RBFOX1: variants seen among roughly 807,000 people sequenced by gnomAD.
The protein encoded by RBFOX1 is RNA binding protein fox-1 homolog 1.
Under a neutral mutation model 57.7 loss-of-function variants are expected in RBFOX1, and 8 were observed. The observed-to-expected ratio is 0.14, with a 90% CI of 0.08 to 0.25. The LOEUF is 0.25. Among genes scored for constraint, RBFOX1 ranks in the 10% least tolerant of loss-of-function variants. RBFOX1 has a pLI of 1.00. For missense variants in RBFOX1, 611 were observed against 548.5 expected (o/e 1.11, Z -1.14); for synonymous variants, 326 against 222.4 (o/e 1.47, Z -4.15).
At chr16:6,529,443 C>T (rs907253310) in intron 2 of RBFOX1, among the ~76,000 whole-genome samples, 7 of 151,910 alleles carry the variant, frequency 4.6e-5, no homozygotes, top group East Asian at 3.9e-4. Flanking sequence ...CCTGTAATCC[C>T]GGCTACTTGG....
intron 3 of RBFOX1, among the ~76,000 whole-genome samples, chr16:6,715,086 C>T (rs763850580): frequency 4.6e-4 from 70 of 152,136 alleles, no homozygotes; most frequent in Non-Finnish European, 9.1e-4. Flanking sequence ...AGTCTGTGTG[C>T]GGCAGCAGGG....
chr16:7,307,023 T>G (rs942918827), intron 4 of RBFOX1, among the ~76,000 whole-genome samples: 1 of 152,248 alleles, frequency 6.6e-6, no homozygotes, highest in South Asian at 2.1e-4. Flanking sequence ...AGGCAACATT[T>G]ATGATAAGTA....
chr16:6,160,855 C>T lies in RBFOX1; in HGVS notation c.-127+140863C>T, dbSNP rs958082974. ...TGTTGTCCCATGAATGCCTTAATCT[C>T]GAGTGTCCTTTCCTCAGACAGCCTT... On this transcript the variant is annotated intron_variant, in intron 1 of 15. Transcript: ENST00000550418. Among the ~76,000 whole-genome samples, 7 of 152,296 alleles carry T rather than the reference C, an allele frequency of 4.6e-5. No homozygotes were observed. The South Asian group carries it at 8.3e-4, about 18-fold the overall frequency.
In RBFOX1 at chr16:6,236,201, T is replaced by C. The variant is rs1233079737; in HGVS notation, c.-126-80794T>C. 3.3e-5 allele frequency among the ~76,000 whole-genome samples: 5 copies of C among 152,154 alleles called. No individual in the cohort carries two copies. In the East Asian group the frequency reaches 7.7e-4, roughly 23 times the overall value. On this transcript the variant is annotated intron_variant, in intron 1 of 15. Coordinates refer to ENST00000550418, the MANE Select transcript of RBFOX1 (RefSeq NM_018723.4). ...TTTTACTGAGCTCAGTATGCCTTTGTTGTTGAAAGAGCAAGCTCTGGAGTC... is the reference window on the plus strand; with the variant it reads ...TTTTACTGAGCTCAGTATGCCTTTGCTGTTGAAAGAGCAAGCTCTGGAGTC...
At chr16:6,564,581 T>C (rs2097231397) in intron 2 of RBFOX1, among the ~76,000 whole-genome samples, 2 of 152,032 alleles carry the variant, frequency 1.3e-5, no homozygotes, top group South Asian at 4.1e-4. Context: ...CACTGATATA[T>C]GGAATCTAAA....
intron 3 of RBFOX1, among the ~76,000 whole-genome samples, chr16:6,707,860 C>A (rs1463192661): frequency 1.3e-5 from 2 of 152,158 alleles, no homozygotes; most frequent in Non-Finnish European, 2.9e-5. Flanking sequence ...ACAAAGAAAA[C>A]ATTAAGCTTG....
intron 4 of RBFOX1, among the ~76,000 whole-genome samples, chr16:5,933,211 C>T (rs1385873406): frequency 6.6e-6 from 1 of 152,202 alleles, no homozygotes; most frequent in Non-Finnish European, 1.5e-5. Context: ...CTCCGCATGG[C>T]GCCAGGAGCT....
At chr16:7,288,238 C>T (rs944300212) in intron 4 of RBFOX1, among the ~76,000 whole-genome samples, 3 of 152,120 alleles carry the variant, frequency 2.0e-5, no homozygotes, top group Non-Finnish European at 4.4e-5. Flanking sequence ...AGAAAGAATC[C>T]ACTCTCAGAG....
intron 4 of RBFOX1, among the ~76,000 whole-genome samples, chr16:7,459,567 T>C (rs2059166932): frequency 6.6e-6 from 1 of 152,192 alleles, no homozygotes; most frequent in African/African-American, 2.4e-5. Flanking sequence ...ATCTGTTAAT[T>C]GGAAAAGTTA....
At chr16:6,411,835 A>G (rs989410002) in intron 2 of RBFOX1, among the ~76,000 whole-genome samples, 3 of 152,182 alleles carry the variant, frequency 2.0e-5, no homozygotes, top group African/African-American at 7.2e-5. Flanking sequence ...CAATAAAACA[A>G]TCAAAACATG....
chr16:6,907,312 C>T (rs1202134949), intron 3 of RBFOX1, among the ~76,000 whole-genome samples: 1 of 152,114 alleles, frequency 6.6e-6, no homozygotes, highest in African/African-American at 2.4e-5. Flanking sequence ...CTTCAGTATT[C>T]CCAGTGCCCA....
chr16:6,391,171 A>T (rs2092582368), intron 2 of RBFOX1, among the ~76,000 whole-genome samples: 1 of 152,156 alleles, frequency 6.6e-6, no homozygotes, highest in Non-Finnish European at 1.5e-5. Flanking sequence ...GTTTGAGTTT[A>T]TTCTAGGATC....
chr16:5,505,866 CCCTG>C (rs1053961538), intron 2 of RBFOX1, among the ~76,000 whole-genome samples: 1 of 152,156 alleles, frequency 6.6e-6, no homozygotes, highest in African/African-American at 2.4e-5. Context: ...TGAAGCCTCA[CCCTG>C]CCATGACATT....
rs188189058 is a variant in RBFOX1 at position 6,914,374 on chromosome 16, A to G, written c.-15-137683A>G. On this transcript the variant is annotated intron_variant, in intron 3 of 15. Transcript: ENST00000550418. ...TACAGGGTCGGCTGATAAGTATTCT[A>G]CTTTTCATGATTCAGAATCTACAAG... 6.8e-4 allele frequency among the ~76,000 whole-genome samples: 103 copies of G among 152,220 alleles called. No homozygotes were observed. In the East Asian group the frequency reaches 0.014, roughly 21 times the overall value.
intron 4 of RBFOX1, among the ~76,000 whole-genome samples, chr16:7,256,523 T>G (rs1226682991): frequency 1.3e-5 from 2 of 152,286 alleles, no homozygotes; most frequent in South Asian, 2.1e-4. Flanking sequence ...TCCCCTTCCC[T>G]CATTAAATTT....
intron 2 of RBFOX1, among the ~76,000 whole-genome samples, chr16:5,486,419 A>G (rs970099889): frequency 1.3e-5 from 2 of 152,218 alleles, no homozygotes; most frequent in African/African-American, 4.8e-5. Flanking sequence ...CTTTCCCAGC[A>G]GACATCAGTA....
At chr16:7,270,546 G>C (rs1369201219) in intron 4 of RBFOX1, among the ~76,000 whole-genome samples, 2 of 152,184 alleles carry the variant, frequency 1.3e-5, no homozygotes, top group Admixed American at 6.5e-5. Context: ...GCAATGCAGT[G>C]GTGGCTCACT....
At chr16:5,990,345 C>T (rs1220104956) in intron 4 of RBFOX1, among the ~76,000 whole-genome samples, 1 of 152,248 alleles carries the variant, frequency 6.6e-6, no homozygotes, top group South Asian at 2.1e-4. Flanking sequence ...AATCAGCTGG[C>T]CTTGGGCAAT....
chr16:6,768,461 G>A (rs11647100), intron 3 of RBFOX1, among the ~76,000 whole-genome samples: 17,418 of 151,644 alleles, frequency 0.11, 1,201 homozygotes, highest in African/African-American at 0.19. Flanking sequence ...TTCCCCCCCA[G>A]CCCACACAAG....
Sources: allele counts gnomAD v4.1 joint callset (sites outside exome capture counted in the v4.1 genomes callset), GRCh38; gene constraint gnomAD v4.1.1; transcripts MANE v1.5; gene names NCBI Gene and HGNC (gene_info 2026-07-23, HGNC 2026-07-21).